ZNF331: variants seen among roughly 807,000 people sequenced by gnomAD.
ZNF331 encodes the protein C2H2-like zinc finger protein rearranged in thyroid adenomas.
Under a neutral mutation model 7.0 loss-of-function variants are expected in ZNF331, and 2 were observed. That is an observed-to-expected ratio of 0.29 (90% confidence interval 0.12 to 0.90). The LOEUF is 0.90. Among genes scored for constraint, ZNF331 ranks in the 40% least tolerant of loss-of-function variants. ZNF331 has a pLI of 0.58. For missense variants in ZNF331, 432 were observed against 587.7 expected (o/e 0.74, Z 2.74); for synonymous variants, 196 against 205.4 (o/e 0.95, Z 0.39).
intron 2 of ZNF331, among the ~76,000 whole-genome samples, chr19:53,524,461 T>C (rs1012460135): frequency 6.6e-6 from 1 of 152,216 alleles, no homozygotes; most frequent in African/African-American, 2.4e-5. Context: ...CCATTCTAAC[T>C]GGTGTGAGAT....
At chr19:53,569,068 A>G (rs900408647) in intron 3 of ZNF331, among the ~76,000 whole-genome samples, 1 of 151,886 alleles carries the variant, frequency 6.6e-6, no homozygotes, top group Non-Finnish European at 1.5e-5. Context: ...GTGTTAGCCA[A>G]GATGGTCTCG....
intron 3 of ZNF331, among the ~76,000 whole-genome samples, chr19:53,559,295 G>A (rs1016532687): frequency 1.5e-4 from 19 of 125,588 alleles, no homozygotes; most frequent in Non-Finnish European, 1.6e-4. Context: ...CATACCATAC[G>A]TATACAAACA....
At position 53,579,100 on chromosome 19, in the gene ZNF331, A is replaced by C. The variant is rs2090838404; in HGVS notation, c.*1148A>C. On this transcript the variant is annotated 3_prime_UTR_variant, in exon 6 of 6. Coordinates refer to ENST00000449416, the MANE Select transcript of ZNF331 (RefSeq NM_001079906.2). ...AGGCGTGAGCCACTGCACCTAGCCC[A>C]CTGATCACTCTTCTGCTTACAGAAT... is the stretch of plus-strand genomic sequence containing the variant. 5.1e-6 allele frequency: 1 copy of C among 196,628 alleles called. No individual in the cohort carries two copies. Among genetic ancestry groups the C allele is most frequent in the African/African-American group, 2.3e-5 (1 of 43,302 alleles). The allele number at this position is 196,628 out of a possible 1,614,324, so 12.2% of individuals were successfully genotyped here.
At chr19:53,513,228 C>T in the ZNF331 span, among the ~76,000 whole-genome samples, 3 of 151,920 alleles carry the variant, frequency 2.0e-5, no homozygotes, top group Non-Finnish European at 2.9e-5. Context: ...GAAGGACCCT[C>T]ATACGGCTGA....
intron 5 of ZNF331, among the ~76,000 whole-genome samples, chr19:53,576,035 A>G (rs2090706727): frequency 6.6e-6 from 1 of 151,346 alleles, no homozygotes; most frequent in Admixed American, 6.6e-5. Context: ...CCCAGGCTAC[A>G]GTGCAATGGC....
rs181391357 is a variant in ZNF331, at chr19:53,558,178, T to A, written c.-74+2270T>A. Among the ~76,000 whole-genome samples, 1 of 152,168 alleles carries A rather than the reference T, an allele frequency of 6.6e-6. No homozygotes were observed. Among genetic ancestry groups the A allele is most frequent in the Admixed American group, 6.5e-5 (1 of 15,270 alleles). On this transcript the variant is annotated intron_variant, in intron 3 of 5. Transcript: ENST00000449416. This position sits in a 1 kb window ranked among gnomAD's most constrained non-coding sequence, Gnocchi z 4.5. ...AACCCTCTACAGGTTGGGGTTCTTATACTCTTTGGCTTCTATTAGTGTATT... is the reference window on the plus strand; with the variant it reads ...AACCCTCTACAGGTTGGGGTTCTTAAACTCTTTGGCTTCTATTAGTGTATT...
At chr19:53,542,327 C>T (rs1260846673) in intron 2 of ZNF331, among the ~76,000 whole-genome samples, 4 of 152,130 alleles carry the variant, frequency 2.6e-5, no homozygotes, top group Admixed American at 6.5e-5. Flanking sequence ...GAAAGACAGC[C>T]TTTTAGAATT....
At chr19:53,520,608 G>C (rs563524014), upstream of ZNF331, among the ~76,000 whole-genome samples, 1 of 152,224 alleles carries the variant, frequency 6.6e-6, no homozygotes, top group South Asian at 2.1e-4. Flanking sequence ...ACAGTGGGAG[G>C]AGACACCGAC....
At chr19:53,564,719 G>A (rs1342489525) in intron 3 of ZNF331, among the ~76,000 whole-genome samples, 1 of 152,104 alleles carries the variant, frequency 6.6e-6, no homozygotes, top group Admixed American at 6.6e-5. Context: ...TCTCTACTAT[G>A]AGATATTTCA....
chr19:53,533,247 G>T (rs910944114), upstream of ZNF331, among the ~76,000 whole-genome samples: 4 of 151,974 alleles, frequency 2.6e-5, no homozygotes, highest in African/African-American at 9.7e-5. Context: ...CTTCTTCCTT[G>T]ACCTACTGGT....
Position 53,579,757 on chromosome 19 carries a change from C to G in ZNF331, c.*1805C>G, listed in dbSNP as rs1034712816. 1 of 197,238 alleles carries G rather than the reference C, an allele frequency of 5.1e-6. No homozygotes were observed. The highest frequency in any genetic ancestry group is 1.9e-4 in the South Asian group (1 of 5,184). 12.2% of individuals were successfully genotyped at this position (197,238 alleles called of 1,614,324 possible). A position where few individuals can be genotyped will look rare whatever the true frequency, so the allele number is the denominator to read the frequency against. ...ACAGCAAACATAAAAAGTTGTTACACTTCATCAAAAGTACAAAGTTCTGTT... is the reference window on the plus strand; with the variant it reads ...ACAGCAAACATAAAAAGTTGTTACAGTTCATCAAAAGTACAAAGTTCTGTT... On this transcript the variant is annotated 3_prime_UTR_variant, in exon 6 of 6. Coordinates refer to ENST00000449416, the MANE Select transcript of ZNF331 (RefSeq NM_001079906.2).
At chr19:53,516,899 A>G (rs1157291706), upstream of ZNF331, among the ~76,000 whole-genome samples, 1 of 152,226 alleles carries the variant, frequency 6.6e-6, no homozygotes, top group Admixed American at 6.5e-5. Context: ...ATATTGATTC[A>G]ATATGAAATG....
At chr19:53,542,128 A>G (rs1454950168) in intron 2 of ZNF331, among the ~76,000 whole-genome samples, 3 of 152,226 alleles carry the variant, frequency 2.0e-5, no homozygotes, top group African/African-American at 7.2e-5. Context: ...TAAATGAGTC[A>G]GAGACTCCAA....
intron 2 of ZNF331, among the ~76,000 whole-genome samples, chr19:53,553,660 A>C (rs1445632981): frequency 1.3e-5 from 2 of 152,228 alleles, no homozygotes; most frequent in Non-Finnish European, 2.9e-5. Context: ...ACTTGGAATG[A>C]GAGCGGGACT....
intron 2 of ZNF331, among the ~76,000 whole-genome samples, chr19:53,550,529 CTTTTTTTTT>C (rs60619357): frequency 1.5e-5 from 1 of 64,548 alleles, no homozygotes; most frequent in Non-Finnish European, 2.6e-5. Flanking sequence ...TCTATTTTGT[CTTTTTTTTT>C]TTTTTTTTTT....
chr19:53,520,436 CCCTAGAG>C (rs1411405397), upstream of ZNF331, among the ~76,000 whole-genome samples: 2 of 152,176 alleles, frequency 1.3e-5, no homozygotes, highest in Admixed American at 1.3e-4. Context: ...AACTGTAGGC[CCCTAGAG>C]CCTGAACCAC....
At chr19:53,543,559 G>A (rs1195397243) in intron 2 of ZNF331, among the ~76,000 whole-genome samples, 2 of 152,040 alleles carry the variant, frequency 1.3e-5, no homozygotes, top group African/African-American at 2.4e-5. Flanking sequence ...GAGCCACCAC[G>A]CCCAGCCTTA....
chr19:53,511,670 C>T, the ZNF331 span, among the ~76,000 whole-genome samples: 1 of 152,116 alleles, frequency 6.6e-6, no homozygotes, highest in African/African-American at 2.4e-5. Context: ...GGGTCTGAGT[C>T]CCTCATGGAC....
intron 2 of ZNF331, among the ~76,000 whole-genome samples, chr19:53,552,547 G>A (rs546279617): frequency 1.3e-5 from 2 of 151,424 alleles, no homozygotes; most frequent in South Asian, 2.1e-4. Context: ...GCAAGACCCC[G>A]TCTCTACCAA....
Sources: gnomAD v4.1 joint callset for allele counts (sites outside exome capture counted in the v4.1 genomes callset) on GRCh38, gnomAD v4.1.1 for gene constraint, Gnocchi (gnomAD v3.1) non-coding constraint, MANE v1.5 for transcripts, NCBI Gene and HGNC (gene_info 2026-07-23, HGNC 2026-07-21) for gene names.